The following CSRNP3 variants were observed in gnomAD, a reference collection of about 807,000 sequenced individuals.
The protein encoded by CSRNP3 is cysteine and serine rich nuclear protein 3, also known as cysteine/serine-rich nuclear protein 3.
Under a neutral mutation model 48.0 loss-of-function variants are expected in CSRNP3, and 12 were observed. The ratio of observed to expected loss-of-function variants is 0.25; its 90% CI spans 0.16 to 0.41. The LOEUF is 0.41. CSRNP3 is among the 10% of genes least tolerant of loss of function. CSRNP3 has a pLI of 1.00. For synonymous variants in CSRNP3, 263 were observed against 269.7 expected (o/e 0.98, Z 0.24); for missense variants, 580 against 724.4 (o/e 0.80, Z 2.29).
intron 3 of CSRNP3, among the ~76,000 whole-genome samples, chr2:165,545,239 A>G (rs1022893497): frequency 3.9e-5 from 6 of 152,144 alleles, no homozygotes; most frequent in Admixed American, 6.6e-5. Flanking sequence ...GTGTATAAAC[A>G]ATTAATGCCA....
intron 3 of CSRNP3, among the ~76,000 whole-genome samples, chr2:165,546,582 A>G (rs1297441345): frequency 6.6e-6 from 1 of 152,138 alleles, no homozygotes; most frequent in African/African-American, 2.4e-5. Context: ...ATTCTAAACA[A>G]TTTCTTCACC....
chr2:165,682,551 G>A lies in CSRNP3; in HGVS notation c.*2798G>A, dbSNP rs966794584. 6 of 152,072 alleles carry A rather than the reference G, an allele frequency of 3.9e-5. No homozygotes were observed. The highest frequency in any genetic ancestry group is 1.4e-4 in the African/African-American group (6 of 41,424). The allele number at this position is 152,072 out of a possible 1,614,324, so 9.4% of individuals were successfully genotyped here. On this transcript the variant is annotated 3_prime_UTR_variant, in exon 7 of 7. Coordinates refer to ENST00000651982, the MANE Select transcript of CSRNP3 (RefSeq NM_001172173.2). ...TTTTCTAACCCCAGAATCTGGTTGGGCTTTATGATCTAAAAAAATGTGGTT... is the reference window on the plus strand; with the variant it reads ...TTTTCTAACCCCAGAATCTGGTTGGACTTTATGATCTAAAAAAATGTGGTT...
At chr2:165,554,966 A>T (rs776614091) in intron 3 of CSRNP3, among the ~76,000 whole-genome samples, 1 of 151,952 alleles carries the variant, frequency 6.6e-6, no homozygotes, top group Non-Finnish European at 1.5e-5. Flanking sequence ...CGTCTCCAAC[A>T]CTCTGGCATC....
chr2:165,577,992 A>G (rs1378497431), intron 3 of CSRNP3, among the ~76,000 whole-genome samples: 1 of 152,082 alleles, frequency 6.6e-6, no homozygotes, highest in Non-Finnish European at 1.5e-5. Context: ...AATTCCAAAT[A>G]AATGAAAATT....
chr2:165,613,139 T>TTGTGG (rs1295839156), intron 4 of CSRNP3, among the ~76,000 whole-genome samples: 4 of 152,182 alleles, frequency 2.6e-5, no homozygotes, highest in Non-Finnish European at 5.9e-5. Flanking sequence ...TGATGTCTGA[T>TTGTGG]TGTGGTTTTG....
At chr2:165,559,210 A>T (rs943616653) in intron 3 of CSRNP3, among the ~76,000 whole-genome samples, 1 of 152,192 alleles carries the variant, frequency 6.6e-6, no homozygotes, top group Non-Finnish European at 1.5e-5. Flanking sequence ...ATTTTGGTTC[A>T]TTGCTACTTT....
chr2:165,675,211 T>C (rs1168514335), intron 5 of CSRNP3, among the ~76,000 whole-genome samples: 2 of 152,156 alleles, frequency 1.3e-5, no homozygotes, highest in Non-Finnish European at 2.9e-5. Flanking sequence ...TGTCTGATGT[T>C]GCAAGTATTT....
chr2:165,506,900 G>A (rs2105223566), intron 2 of CSRNP3, among the ~76,000 whole-genome samples: 1 of 152,092 alleles, frequency 6.6e-6, no homozygotes, highest in East Asian at 1.9e-4. Context: ...TAACAAGAAA[G>A]GAGACATGGA....
intron 3 of CSRNP3, among the ~76,000 whole-genome samples, chr2:165,574,830 T>G (rs1685422957): frequency 6.6e-6 from 1 of 152,158 alleles, no homozygotes; most frequent in Non-Finnish European, 1.5e-5. Flanking sequence ...TATCTGGTAT[T>G]AAATAATGGA....
intron 3 of CSRNP3, among the ~76,000 whole-genome samples, chr2:165,538,183 C>T (rs1403903578): frequency 1.3e-5 from 2 of 151,918 alleles, no homozygotes; most frequent in Non-Finnish European, 2.9e-5. Context: ...TATAAAAATA[C>T]CCCTGAGAGA....
chr2:165,607,903 A>C (rs1686058241), intron 4 of CSRNP3, among the ~76,000 whole-genome samples: 1 of 151,896 alleles, frequency 6.6e-6, no homozygotes, highest in African/African-American at 2.4e-5. Flanking sequence ...ATGTGAGAAT[A>C]GATTGGGCTT....
intron 2 of CSRNP3, among the ~76,000 whole-genome samples, chr2:165,514,794 C>A (rs1247097125): frequency 1.3e-5 from 2 of 152,178 alleles, no homozygotes; most frequent in African/African-American, 4.8e-5. Context: ...TCAAGTGAAC[C>A]TCCCATCTCA....
chr2:165,661,038 G>A (rs73972129), intron 5 of CSRNP3, among the ~76,000 whole-genome samples: 4,659 of 152,196 alleles, frequency 0.031, 210 homozygotes, highest in African/African-American at 0.096. Context: ...AAAAACTTGT[G>A]TATATTTTCA....
intron 3 of CSRNP3, among the ~76,000 whole-genome samples, chr2:165,586,203 C>A (rs953754610): frequency 6.6e-6 from 1 of 152,210 alleles, no homozygotes; most frequent in Non-Finnish European, 1.5e-5. Flanking sequence ...ACTCAGCACT[C>A]AAACTTTTTC....
intron 4 of CSRNP3, among the ~76,000 whole-genome samples, chr2:165,639,228 C>T (rs530588927): frequency 1.2e-4 from 18 of 152,216 alleles, no homozygotes; most frequent in Admixed American, 2.6e-4. Context: ...AAGCACAAAA[C>T]GTGCAAATAA....
In CSRNP3 at chr2:165,482,886, T is replaced by G. The variant is rs193193794; in HGVS notation, c.-282-11873T>G. 2.5e-3 allele frequency among the ~76,000 whole-genome samples: 378 copies of G among 152,256 alleles called. 1 individual carries two copies. Among genetic ancestry groups the G allele is most frequent in the Admixed American group, 6.6e-3 (101 of 15,288 alleles). ...ATTCACTTTTATTCTGCATCCATCT[T>G]TACCTTCAAGAAACTGTCCCCATTC... On this transcript the variant is annotated intron_variant, in intron 1 of 6. Coordinates refer to ENST00000651982, the MANE Select transcript of CSRNP3 (RefSeq NM_001172173.2).
chr2:165,661,322 C>T (rs997157700), intron 5 of CSRNP3, among the ~76,000 whole-genome samples: 1 of 152,158 alleles, frequency 6.6e-6, no homozygotes, highest in African/African-American at 2.4e-5. Context: ...ATTTAATACA[C>T]CTAACGTACT....
At chr2:165,539,693 A>T (rs1055593485) in intron 3 of CSRNP3, among the ~76,000 whole-genome samples, 1 of 152,090 alleles carries the variant, frequency 6.6e-6, no homozygotes, top group Admixed American at 6.6e-5. Flanking sequence ...ACGTGAATTT[A>T]TATTTGCACT....
chr2:165,676,684 A>G (rs1687431730), intron 6 of CSRNP3, 76 bp downstream of exon 6: 2 of 1,345,696 alleles, frequency 1.5e-6, no homozygotes, highest in East Asian at 2.3e-5. Context: ...CATGGTACCT[A>G]TAATGAAGCT....
Sources: gnomAD v4.1 joint callset for allele counts (sites outside exome capture counted in the v4.1 genomes callset) on GRCh38, gnomAD v4.1.1 for gene constraint, MANE v1.5 for transcripts, NCBI Gene and HGNC (gene_info 2026-07-23, HGNC 2026-07-21) for gene names.